The following MYO3B variants were observed in gnomAD, a reference collection of about 807,000 sequenced individuals.
MYO3B encodes myosin-IIIb.
Under a neutral mutation model 174.6 loss-of-function variants are expected in MYO3B, and 156 were observed. That is an observed-to-expected ratio of 0.89 (90% CI 0.78 to 1.02). The LOEUF (loss-of-function observed/expected upper bound fraction) is 1.02, where lower values mean the gene tolerates loss of function less well. Among genes scored for constraint, MYO3B ranks in the 50% least tolerant of loss-of-function variants. MYO3B has a pLI of 0.00. For synonymous variants in MYO3B, 563 were observed against 569.1 expected (o/e 0.99, Z 0.15); for missense variants, 1,632 against 1,639.4 (o/e 1.00, Z 0.08).
intron 32 of MYO3B, chr2:170,646,760 G>T (rs1242331090): frequency 1.9e-5 from 7 of 372,994 alleles, no homozygotes; most frequent in Middle Eastern, 4.5e-4. Flanking sequence ...CTGTTTCTCT[G>T]GGGCCCCTCC....
intron 30 of MYO3B, among the ~76,000 whole-genome samples, chr2:170,529,963 G>A (rs1343433933): frequency 6.6e-6 from 1 of 152,160 alleles, no homozygotes; most frequent in Non-Finnish European, 1.5e-5. Flanking sequence ...GAATTAAATA[G>A]CAGCTTGTTC....
intron 6 of MYO3B, among the ~76,000 whole-genome samples, chr2:170,233,420 T>G (rs373205200): frequency 6.6e-6 from 1 of 152,216 alleles, no homozygotes; most frequent in East Asian, 1.9e-4. Context: ...AAATTATGTT[T>G]GTCTTACACT....
intron 7 of MYO3B, among the ~76,000 whole-genome samples, chr2:170,324,989 A>C (rs2093855178): frequency 1.3e-5 from 2 of 151,982 alleles, no homozygotes; most frequent in South Asian, 4.2e-4. Context: ...AGAGAACTTC[A>C]CCACGGAGGC....
At chr2:170,574,237 T>C (rs1284076990) in intron 32 of MYO3B, among the ~76,000 whole-genome samples, 2 of 152,208 alleles carry the variant, frequency 1.3e-5, no homozygotes, top group Non-Finnish European at 1.5e-5. Flanking sequence ...CACGGTAGGT[T>C]CTCATTAACC....
intron 30 of MYO3B, among the ~76,000 whole-genome samples, chr2:170,538,110 G>A (rs955533505): frequency 1.3e-5 from 2 of 152,078 alleles, no homozygotes; most frequent in Admixed American, 1.3e-4. Context: ...GTGTCTCAAC[G>A]CCTATCCAAG....
At chr2:170,254,277 C>G (rs370416676) in intron 7 of MYO3B, among the ~76,000 whole-genome samples, 24 of 152,320 alleles carry the variant, frequency 1.6e-4, no homozygotes, top group African/African-American at 5.8e-4. Context: ...AAGCTAGAAC[C>G]TGCATGGCGC....
At chr2:170,410,749 G>T (rs1278857387) in intron 22 of MYO3B, among the ~76,000 whole-genome samples, 1 of 152,158 alleles carries the variant, frequency 6.6e-6, no homozygotes, top group Non-Finnish European at 1.5e-5. Context: ...CCTGATCTTG[G>T]TGGTGGTTAC....
intron 32 of MYO3B, among the ~76,000 whole-genome samples, chr2:170,573,314 T>C (rs1177234215): frequency 6.6e-6 from 1 of 151,802 alleles, no homozygotes; most frequent in Non-Finnish European, 1.5e-5. Flanking sequence ...ATCTAATAAC[T>C]AGTAGGATGT....
At chr2:170,355,046 A>G (rs535097228) in intron 8 of MYO3B, among the ~76,000 whole-genome samples, 12 of 152,276 alleles carry the variant, frequency 7.9e-5, no homozygotes, top group Non-Finnish European at 1.8e-4. Flanking sequence ...TTCCTCTGCA[A>G]AAACCATCTC....
At chr2:170,329,608 G>T (rs1261028700) in intron 7 of MYO3B, among the ~76,000 whole-genome samples, 1 of 150,486 alleles carries the variant, frequency 6.6e-6, no homozygotes, top group Non-Finnish European at 1.5e-5. Flanking sequence ...TGGCCAGGCT[G>T]GTCTCGAACT....
intron 22 of MYO3B, among the ~76,000 whole-genome samples, chr2:170,416,397 G>A (rs189237756): frequency 0.014 from 2,071 of 151,858 alleles, 67 homozygotes; most frequent in African/African-American, 0.047. Flanking sequence ...GGTGGTGCAC[G>A]CCTGCAATCC....
intron 32 of MYO3B, among the ~76,000 whole-genome samples, chr2:170,594,027 A>G (rs1028159371): frequency 2.0e-5 from 3 of 152,102 alleles, no homozygotes; most frequent in Non-Finnish European, 4.4e-5. Context: ...TTGGAAAATT[A>G]TACCCTAACA....
intron 22 of MYO3B, among the ~76,000 whole-genome samples, chr2:170,425,364 G>C (rs1285551136): frequency 2.0e-5 from 3 of 152,184 alleles, no homozygotes; most frequent in Non-Finnish European, 2.9e-5. Context: ...CAGCTGTGTG[G>C]AGTAACAATT....
chr2:170,209,382 A>C (rs1302257675), intron 3 of MYO3B, among the ~76,000 whole-genome samples: 2 of 152,334 alleles, frequency 1.3e-5, no homozygotes, highest in Admixed American at 1.3e-4. Flanking sequence ...AAACAAAACA[A>C]GGGTCAGCAA....
At chr2:170,423,688 C>A (rs2094637138) in intron 22 of MYO3B, among the ~76,000 whole-genome samples, 1 of 147,132 alleles carries the variant, frequency 6.8e-6, no homozygotes, top group Non-Finnish European at 1.5e-5. Context: ...TCAAGTGATT[C>A]TCCTGCCTCA....
At chr2:170,299,090 C>T (rs1413225760) in intron 7 of MYO3B, among the ~76,000 whole-genome samples, 1 of 152,138 alleles carries the variant, frequency 6.6e-6, no homozygotes, top group Non-Finnish European at 1.5e-5. Flanking sequence ...GAATGTATGC[C>T]TATCTTTAAG....
At chr2:170,391,441 G>A (rs943871135) in intron 14 of MYO3B, 79 bp from the exon 15 acceptor site, 1 of 657,058 alleles carries the variant, frequency 1.5e-6, no homozygotes. Flanking sequence ...ATAATCTTTT[G>A]TACAGAAAGG....
chr2:170,438,320 A>G (rs990544902), intron 22 of MYO3B, among the ~76,000 whole-genome samples: 8 of 152,060 alleles, frequency 5.3e-5, no homozygotes, highest in Non-Finnish European at 1.5e-5. Flanking sequence ...TTCTTTATCC[A>G]TTTAACTGTT....
chr2:170,632,217 G>A (rs943079843), intron 32 of MYO3B, among the ~76,000 whole-genome samples: 2 of 152,066 alleles, frequency 1.3e-5, no homozygotes, highest in Admixed American at 6.6e-5. Context: ...TTCCAAAATT[G>A]ACCACATAGT....
Sources: allele counts gnomAD v4.1 joint callset (sites outside exome capture counted in the v4.1 genomes callset), GRCh38; gene constraint gnomAD v4.1.1; transcripts MANE v1.5; gene names NCBI Gene and HGNC (gene_info 2026-07-23, HGNC 2026-07-21).